The following NELL1 variants were observed in gnomAD, a reference collection of about 807,000 sequenced individuals.
The protein encoded by NELL1 is protein kinase C-binding protein NELL1.
In NELL1, 76 loss-of-function variants were observed where a neutral mutation model predicts 107.4. That is an observed-to-expected ratio of 0.71 (90% CI 0.59 to 0.86). The LOEUF (loss-of-function observed/expected upper bound fraction) is 0.86. NELL1 is among the 40% of genes least tolerant of loss of function. The probability of loss-of-function intolerance (pLI) is 0.00; values close to 1 mark genes in which losing one functional copy is unlikely to be tolerated. For missense variants in NELL1, 1,024 were observed against 1,005.5 expected (o/e 1.02, Z -0.25); for synonymous variants, 353 against 341.2 (o/e 1.03, Z -0.38).
In NELL1 at chr11:20,823,365, G is replaced by T. The variant is rs1448753510; in HGVS notation, c.336-24218G>T. On this transcript the variant is annotated intron_variant, in intron 3 of 19. Transcript: ENST00000357134. ...GCCATGATTCAATGATCTCCCACTG[G>T]GTCTCTCCCACAACATGTGGGAAAT... Among the ~76,000 whole-genome samples, 3 of 151,104 alleles carry T rather than the reference G, an allele frequency of 2.0e-5. 1 individual carries two copies. The highest frequency in any genetic ancestry group is 4.4e-5 in the Non-Finnish European group (3 of 67,506).
chr11:20,702,748 T>C (rs1462453892), intron 2 of NELL1, among the ~76,000 whole-genome samples: 1 of 152,226 alleles, frequency 6.6e-6, no homozygotes, highest in African/African-American at 2.4e-5. Flanking sequence ...AAAGGCCTTT[T>C]CTGCATCTAT....
intron 15 of NELL1, among the ~76,000 whole-genome samples, chr11:21,440,159 G>T (rs1040615092): frequency 6.6e-6 from 1 of 151,062 alleles, no homozygotes. Flanking sequence ...CTGAAAAAAA[G>T]CTTCTTATAG....
At chr11:20,838,826 A>T (rs1388732308) in intron 3 of NELL1, among the ~76,000 whole-genome samples, 1 of 152,130 alleles carries the variant, frequency 6.6e-6, no homozygotes, top group Non-Finnish European at 1.5e-5. Flanking sequence ...CTACAACTAC[A>T]ACCACCACTA....
At chr11:21,496,835 C>G (rs188144528) in intron 15 of NELL1, among the ~76,000 whole-genome samples, 1 of 152,196 alleles carries the variant, frequency 6.6e-6, no homozygotes, top group Non-Finnish European at 1.5e-5. Flanking sequence ...TCTAAGCGTT[C>G]TCATTGTTCA....
At chr11:21,194,244 C>T (rs992242760) in intron 13 of NELL1, among the ~76,000 whole-genome samples, 2 of 149,320 alleles carry the variant, frequency 1.3e-5, no homozygotes, top group Admixed American at 6.6e-5. Flanking sequence ...ACATCTACCT[C>T]TTCACCTCCG....
intron 2 of NELL1, among the ~76,000 whole-genome samples, chr11:20,774,403 T>G (rs1689329881): frequency 6.7e-6 from 1 of 149,534 alleles, no homozygotes; most frequent in African/African-American, 2.5e-5. Context: ...TTTCCTTTCT[T>G]TCTTCTTAGA....
chr11:21,474,998 A>G (rs1438236480), intron 15 of NELL1, among the ~76,000 whole-genome samples: 1 of 152,176 alleles, frequency 6.6e-6, no homozygotes, highest in East Asian at 1.9e-4. Context: ...AGAGACCCAG[A>G]GTGGAAAGGG....
At chr11:21,570,485 A>C (rs1374353226) in intron 17 of NELL1, among the ~76,000 whole-genome samples, 1 of 151,928 alleles carries the variant, frequency 6.6e-6, no homozygotes, top group African/African-American at 2.4e-5. Flanking sequence ...ATTCTTACTT[A>C]GAAATACGAT....
intron 7 of NELL1, among the ~76,000 whole-genome samples, 182 bp downstream of exon 7, chr11:20,919,516 A>G (rs571382086): frequency 6.6e-6 from 1 of 152,220 alleles, no homozygotes; most frequent in East Asian, 1.9e-4. Flanking sequence ...CCTGTCTTTG[A>G]TGCTATTAAG....
rs951733989 is a variant in NELL1, at chr11:21,304,558, T to A, written c.1550-66295T>A. 2.0e-5 allele frequency among the ~76,000 whole-genome samples: 3 copies of A among 146,680 alleles called. No individual in the cohort carries two copies. In the Admixed American group the frequency reaches 2.1e-4, roughly 10 times the overall value. Reference sequence around the variant, plus strand: ...ATATGTTATCCTGTACAAATCAGCTTCTTTTGTCTGTTTTTTTTTTTCTCT... The same window carrying A: ...ATATGTTATCCTGTACAAATCAGCTACTTTTGTCTGTTTTTTTTTTTCTCT... On this transcript the variant is annotated intron_variant, in intron 14 of 19. Transcript: ENST00000357134.
intron 14 of NELL1, among the ~76,000 whole-genome samples, chr11:21,240,678 G>T (rs960494917): frequency 4.1e-5 from 6 of 145,958 alleles, no homozygotes; most frequent in Non-Finnish European, 4.5e-5. Context: ...TACAATATAT[G>T]GATTGCGTTC....
intron 6 of NELL1, among the ~76,000 whole-genome samples, chr11:20,918,460 C>T (rs1215879333): frequency 6.6e-6 from 1 of 151,968 alleles, no homozygotes; most frequent in African/African-American, 2.4e-5. Flanking sequence ...CGTTTTCTCA[C>T]TGCTGATAAA....
chr11:21,312,793 G>T (rs1271236920), intron 14 of NELL1, among the ~76,000 whole-genome samples: 1 of 152,140 alleles, frequency 6.6e-6, no homozygotes, highest in African/African-American at 2.4e-5. Context: ...ACATTTTATA[G>T]TTTATTAAAA....
chr11:20,938,088 A>G (rs1329798458), intron 10 of NELL1, among the ~76,000 whole-genome samples: 1 of 152,172 alleles, frequency 6.6e-6, no homozygotes, highest in Non-Finnish European at 1.5e-5. Context: ...CTATTAAGGC[A>G]AGGATGTGAG....
At chr11:21,078,281 A>G (rs1322677797) in intron 12 of NELL1, among the ~76,000 whole-genome samples, 1 of 152,130 alleles carries the variant, frequency 6.6e-6, no homozygotes, top group Non-Finnish European at 1.5e-5. Flanking sequence ...CTATATGATG[A>G]TAATAAAAAG....
chr11:20,963,210 G>C lies in NELL1; in HGVS notation c.1300+2650G>C, dbSNP rs115356473. The stretch of plus-strand genomic sequence containing the variant: ...AAAAACCTTGTCTGTGTGAGGTTCT[G>C]TCATTTTATGCTCAAAGAAAGTCCT... On this transcript the variant is annotated intron_variant, in intron 12 of 19. Coordinates refer to ENST00000357134, the MANE Select transcript of NELL1 (RefSeq NM_006157.5). 5.7e-3 allele frequency among the ~76,000 whole-genome samples: 865 copies of C among 152,190 alleles called. 12 individuals are homozygous for C. Among genetic ancestry groups the C allele is most frequent in the African/African-American group, 0.02 (821 of 41,532 alleles).
At chr11:21,318,602 T>C (rs1849932544) in intron 14 of NELL1, among the ~76,000 whole-genome samples, 1 of 151,072 alleles carries the variant, frequency 6.6e-6, no homozygotes, top group Non-Finnish European at 1.5e-5. Context: ...AACCAGTTTA[T>C]CAATTAAACA....
chr11:21,294,602 T>C (rs1849337086), intron 14 of NELL1, among the ~76,000 whole-genome samples: 1 of 152,094 alleles, frequency 6.6e-6, no homozygotes, highest in Non-Finnish European at 1.5e-5. Flanking sequence ...TTATTTATTT[T>C]CGTATCGACC....
chr11:21,397,955 C>T (rs1852017247), intron 15 of NELL1, among the ~76,000 whole-genome samples: 1 of 151,340 alleles, frequency 6.6e-6, no homozygotes, highest in Non-Finnish European at 1.5e-5. Context: ...ACTCTTCTGT[C>T]GCCAGAATTG....
Sources: allele counts gnomAD v4.1 joint callset (sites outside exome capture counted in the v4.1 genomes callset), GRCh38; gene constraint gnomAD v4.1.1; transcripts MANE v1.5; gene names NCBI Gene and HGNC (gene_info 2026-07-23, HGNC 2026-07-21).